The following IDO2 variants were observed in gnomAD, a reference collection of about 807,000 sequenced individuals.
IDO2 encodes the protein indoleamine 2,3-dioxygenase 2.
Under a neutral mutation model 45.1 loss-of-function variants are expected in IDO2, and 46 were observed. That is an observed-to-expected ratio of 1.02 (90% CI 0.80 to 1.30). IDO2 has a LOEUF of 1.30. Among genes scored for constraint, IDO2 ranks in the 50% most tolerant of loss-of-function variants. The probability of loss-of-function intolerance (pLI) is 0.00; values close to 1 mark genes in which losing one functional copy is unlikely to be tolerated. For synonymous variants in IDO2, 218 were observed against 184.9 expected (o/e 1.18, Z -1.45); for missense variants, 544 against 491.8 (o/e 1.11, Z -1.00).
chr8:39,989,319 T>A (rs1222064570), intron 7 of IDO2, among the ~76,000 whole-genome samples: 1 of 152,086 alleles, frequency 6.6e-6, no homozygotes, highest in African/African-American at 2.4e-5. Flanking sequence ...CCATCCAAGA[T>A]GAGATTTGGG....
chr8:39,977,605 C>A (rs541174903), intron 3 of IDO2, among the ~76,000 whole-genome samples: 1 of 152,300 alleles, frequency 6.6e-6, no homozygotes, highest in East Asian at 1.9e-4. Flanking sequence ...TGCTTGAGCC[C>A]AGAAGTTCAA....
chr8:39,956,602 C>T (rs1346968641), intron 2 of IDO2, among the ~76,000 whole-genome samples: 4 of 152,138 alleles, frequency 2.6e-5, no homozygotes, highest in African/African-American at 7.2e-5. Flanking sequence ...TTATTCATAG[C>T]AGCCTCTTAC....
intron 1 of IDO2, among the ~76,000 whole-genome samples, chr8:39,939,242 CA>C (rs57921420): frequency 4.1e-4 from 48 of 117,618 alleles, no homozygotes; most frequent in South Asian, 1.5e-3. Flanking sequence ...GACTCCATCT[CA>C]AAAAAAAAAA....
chr8:39,960,984 C>T (rs765771812), intron 2 of IDO2, among the ~76,000 whole-genome samples: 25 of 152,092 alleles, frequency 1.6e-4, no homozygotes, highest in Non-Finnish European at 3.2e-4. Flanking sequence ...GGGGTTTCAC[C>T]GTGTTAGCCA....
intron 6 of IDO2, 146 bp downstream of exon 6, chr8:39,985,668 T>C: frequency 1.4e-5 from 9 of 661,768 alleles, no homozygotes; most frequent in Non-Finnish European, 2.3e-5. Context: ...TAGAAGGAAA[T>C]GTGCCTAAAA....
chr8:40,015,827 T>G (rs150478324), exon 11 of IDO2: 9 of 508,194 alleles, frequency 1.8e-5, no homozygotes, highest in African/African-American at 3.8e-5. Flanking sequence ...CTTAACGGCA[T>G]GTATAATGGA....
chr8:39,949,076 G>A, intron 1 of IDO2, 73 bp from the exon 2 acceptor site: 2 of 1,535,456 alleles, frequency 1.3e-6, no homozygotes, highest in East Asian at 4.9e-5. Context: ...GCAACTAACT[G>A]GAACCGAAGG....
At chr8:39,991,431 G>A (rs1016860484) in intron 8 of IDO2, among the ~76,000 whole-genome samples, 1 of 152,148 alleles carries the variant, frequency 6.6e-6, no homozygotes, top group African/African-American at 2.4e-5. Context: ...CAGATCACAT[G>A]GATGAGCAAA....
intron 2 of IDO2, among the ~76,000 whole-genome samples, chr8:39,955,706 T>A (rs957606542): frequency 6.6e-6 from 1 of 151,990 alleles, no homozygotes; most frequent in African/African-American, 2.4e-5. Flanking sequence ...AGAAAAGAAA[T>A]CTCCCAATGT....
intron 3 of IDO2, among the ~76,000 whole-genome samples, chr8:39,977,709 G>A (rs1445428597): frequency 1.3e-5 from 2 of 152,202 alleles, no homozygotes; most frequent in African/African-American, 4.8e-5. Context: ...AACAAAACAA[G>A]TAACATCTCA....
chr8:39,992,179 C>T (rs1029100860), intron 8 of IDO2, among the ~76,000 whole-genome samples: 3 of 152,134 alleles, frequency 2.0e-5, no homozygotes, highest in Admixed American at 6.5e-5. Context: ...TTGTGATGTA[C>T]GTGTTGCCAA....
chr8:39,974,081 C>T (rs1404927422), intron 3 of IDO2, among the ~76,000 whole-genome samples: 1 of 152,094 alleles, frequency 6.6e-6, no homozygotes, highest in African/African-American at 2.4e-5. Context: ...GATTATAAAA[C>T]AAATGAACCA....
At chr8:39,941,218 T>A (rs1807637256) in intron 1 of IDO2, among the ~76,000 whole-genome samples, 2 of 29,680 alleles carry the variant, frequency 6.7e-5, no homozygotes, top group East Asian at 2.2e-3. Context: ...CAAGACTCCA[T>A]CTCAAAAAAA....
At chr8:39,961,157 T>G (rs568811369) in intron 2 of IDO2, among the ~76,000 whole-genome samples, 1 of 152,300 alleles carries the variant, frequency 6.6e-6, no homozygotes, top group Admixed American at 6.5e-5. Context: ...TGATCTGTAT[T>G]GCTGGAATCA....
At chr8:39,998,807 A>AT (rs940386390) in intron 8 of IDO2, among the ~76,000 whole-genome samples, 1 of 150,274 alleles carries the variant, frequency 6.7e-6, no homozygotes, top group African/African-American at 2.4e-5. Flanking sequence ...CACCCCACTA[A>AT]TTTTTTTGTA....
chr8:39,999,107 C>A (rs892994873), intron 8 of IDO2, among the ~76,000 whole-genome samples: 2 of 152,016 alleles, frequency 1.3e-5, no homozygotes, highest in Admixed American at 6.6e-5. Flanking sequence ...CAGCTATATT[C>A]TTTTAGATGT....
intron 8 of IDO2, among the ~76,000 whole-genome samples, chr8:40,003,667 T>C (rs1802174269): frequency 2.0e-5 from 3 of 152,178 alleles, no homozygotes; most frequent in Non-Finnish European, 4.4e-5. Flanking sequence ...TTATAAATCA[T>C]ATTGTTTGAG....
chr8:39,984,053 T>TGATA (rs1554547645), intron 5 of IDO2, among the ~76,000 whole-genome samples: 12 of 151,740 alleles, frequency 7.9e-5, no homozygotes, highest in African/African-American at 2.9e-4. Flanking sequence ...ATGAAAAAAA[T>TGATA]AATATATGTG....
exon 7 of IDO2, chr8:39,987,967 A>G (rs373996914): frequency 5.7e-6 from 9 of 1,587,544 alleles, no homozygotes; most frequent in Non-Finnish European, 7.8e-6. Flanking sequence ...TGCCTGGGAT[A>G]AAGGTATCTT....
Sources: allele counts gnomAD v4.1 joint callset (sites outside exome capture counted in the v4.1 genomes callset), GRCh38; gene constraint gnomAD v4.1.1; transcripts MANE v1.5; gene names NCBI Gene and HGNC (gene_info 2026-07-23, HGNC 2026-07-21).